Variants in COL10A1 observed in about 807,000 individuals in gnomAD.
COL10A1 encodes collagen alpha-1(X) chain.
Under a neutral mutation model 18.2 loss-of-function variants are expected in COL10A1, and 10 were observed. That is an observed-to-expected ratio of 0.55 (90% confidence interval 0.34 to 0.93). The LOEUF (loss-of-function observed/expected upper bound fraction) is 0.93, where lower values mean the gene tolerates loss of function less well. COL10A1 is among the 40% of genes least tolerant of loss of function. COL10A1 has a pLI of 0.02. For synonymous variants in COL10A1, 330 were observed against 316.6 expected (o/e 1.04, Z -0.45); for missense variants, 897 against 853.5 (o/e 1.05, Z -0.64).
chr6:116,211,790 T>A, the COL10A1 span, among the ~76,000 whole-genome samples: 1 of 152,066 alleles, frequency 6.6e-6, no homozygotes, highest in African/African-American at 2.4e-5. Context: ...TTTGCTTTGT[T>A]GTACTGTGCA....
At chr6:116,207,347 T>C in the COL10A1 span, among the ~76,000 whole-genome samples, 8 of 129,876 alleles carry the variant, frequency 6.2e-5, no homozygotes, top group Non-Finnish European at 9.6e-5. Flanking sequence ...ATGGTGGACT[T>C]AATGTATTCT....
At position 116,121,607 on chromosome 6, in the gene COL10A1, C is replaced by A; in HGVS notation, c.509G>T (p.Arg170Met). The A allele has an allele frequency of 6.2e-7, 1 of 1,613,980 alleles. No homozygotes were observed. Among genetic ancestry groups the A allele is most frequent in the Non-Finnish European group, 8.5e-7 (1 of 1,179,958 alleles). The change falls in exon 3 of 3, where the codon AGG (arginine) becomes ATG (methionine). Residue 170 changes from arginine (R) to methionine (M), a missense_variant. Coordinates refer to ENST00000651968, the MANE Select transcript of COL10A1 (RefSeq NM_000493.4). ...TGCACCCTTTTCTCCAGGAAAGCCC[C>A]TGGGTCCTGGGGCTCCTGTGGGTCC... ...QQGPTGAPGPRGFPGEKGAPG... is the reference protein window; with the variant it reads ...QQGPTGAPGPMGFPGEKGAPG...
chr6:116,144,087 T>C (rs1779832603), intron 1 of COL10A1, among the ~76,000 whole-genome samples: 1 of 152,194 alleles, frequency 6.6e-6, no homozygotes, highest in Non-Finnish European at 1.5e-5. Flanking sequence ...TATTCAGAGT[T>C]CATGTATTGG....
At chr6:116,196,263 T>C in the COL10A1 span, among the ~76,000 whole-genome samples, 2 of 152,070 alleles carry the variant, frequency 1.3e-5, no homozygotes, top group East Asian at 3.9e-4. Context: ...AGATTAGTTA[T>C]ATTTTCCATA....
intron 1 of COL10A1, among the ~76,000 whole-genome samples, chr6:116,145,824 A>C (rs1189995113): frequency 1.3e-5 from 2 of 152,190 alleles, no homozygotes; most frequent in Admixed American, 6.5e-5. Context: ...ATAGCTCAAA[A>C]TTGTGAACTA....
upstream of COL10A1, among the ~76,000 whole-genome samples, chr6:116,159,012 A>C (rs1780271145): frequency 6.6e-6 from 1 of 152,206 alleles, no homozygotes; most frequent in Non-Finnish European, 1.5e-5. Context: ...TAGCTCAAAT[A>C]CAAGTTCTTC....
intron 1 of COL10A1, among the ~76,000 whole-genome samples, chr6:116,150,654 G>A (rs1780016959): frequency 6.6e-6 from 1 of 152,136 alleles, no homozygotes. Flanking sequence ...TGAGTTTTAG[G>A]TACTTTACCT....
chr6:116,212,241 G>C, the COL10A1 span, among the ~76,000 whole-genome samples: 1 of 151,936 alleles, frequency 6.6e-6, no homozygotes, highest in Non-Finnish European at 1.5e-5. Flanking sequence ...AACTAGCCAG[G>C]TGATATTTTA....
Position 116,125,524 on chromosome 6 carries a change from A to G in COL10A1, c.-15-17T>C. ...AGATGGATTCTGAAAAACAGAAAAG[A>G]ATAACTTTATACAGCATTGTTATTA... On this transcript the variant is annotated splice_polypyrimidine_tract_variant and intron_variant, in intron 1 of 2. Transcript: ENST00000651968. 6.2e-7 allele frequency: 1 copy of G among 1,610,672 alleles called. No individual in the cohort carries two copies. The highest frequency in any genetic ancestry group is 8.5e-7 in the Non-Finnish European group (1 of 1,177,364).
chr6:116,190,987 T>C, the COL10A1 span, among the ~76,000 whole-genome samples: 1 of 151,954 alleles, frequency 6.6e-6, no homozygotes, highest in Non-Finnish European at 1.5e-5. Context: ...CAGCTCTTTA[T>C]TTTAAGTGAG....
chr6:116,144,274 G>T (rs1041383764), intron 1 of COL10A1, among the ~76,000 whole-genome samples: 1 of 152,094 alleles, frequency 6.6e-6, no homozygotes, highest in Non-Finnish European at 1.5e-5. Context: ...AGGCCGAGGC[G>T]GGCGGATCAT....
At chr6:116,163,005 T>C (rs1034413043), upstream of COL10A1, among the ~76,000 whole-genome samples, 2 of 151,174 alleles carry the variant, frequency 1.3e-5, no homozygotes, top group East Asian at 1.9e-4. Context: ...CAGGCACTTA[T>C]AGTCCCAGCT....
the COL10A1 span, among the ~76,000 whole-genome samples, chr6:116,172,267 A>G: frequency 6.7e-6 from 1 of 149,990 alleles, no homozygotes; most frequent in Non-Finnish European, 1.5e-5. Context: ...AGATAAGTAT[A>G]TTATTAAAGA....
chr6:116,183,891 T>C, the COL10A1 span, among the ~76,000 whole-genome samples: 1 of 152,096 alleles, frequency 6.6e-6, no homozygotes. Flanking sequence ...TACCCTTTAG[T>C]TCTTTCTCTT....
the COL10A1 span, among the ~76,000 whole-genome samples, chr6:116,176,990 CTGAAT>C: frequency 6.6e-6 from 1 of 152,050 alleles, no homozygotes; most frequent in East Asian, 1.9e-4. Context: ...CTTTATCTTA[CTGAAT>C]TGAAGACTAG....
upstream of COL10A1, among the ~76,000 whole-genome samples, chr6:116,160,439 C>T (rs771093971): frequency 7.1e-6 from 1 of 140,448 alleles, no homozygotes; most frequent in African/African-American, 2.5e-5. Context: ...TGTTCATATC[C>T]GTTTGTCTAC....
chr6:116,180,489 A>C, the COL10A1 span, among the ~76,000 whole-genome samples: 1 of 152,120 alleles, frequency 6.6e-6, no homozygotes, highest in African/African-American at 2.4e-5. Flanking sequence ...GCTAAAACTT[A>C]AGTGAAACTT....
chr6:116,122,432 C>G (rs1779159579), intron 2 of COL10A1, among the ~76,000 whole-genome samples: 2 of 152,192 alleles, frequency 1.3e-5, no homozygotes, highest in African/African-American at 4.8e-5. Flanking sequence ...CTCTGCTGAA[C>G]ACAGGTTAGA....
the COL10A1 span, among the ~76,000 whole-genome samples, chr6:116,210,486 A>G: frequency 1.3e-5 from 2 of 151,878 alleles, no homozygotes; most frequent in Non-Finnish European, 2.9e-5. Context: ...TCAAATTCCG[A>G]TTCTGCCACA....
Sources: gnomAD v4.1 joint callset for allele counts (sites outside exome capture counted in the v4.1 genomes callset) on GRCh38, gnomAD v4.1.1 for gene constraint, MANE v1.5 for transcripts, NCBI Gene and HGNC (gene_info 2026-07-23, HGNC 2026-07-21) for gene names.